The following EYA1 variants were observed in gnomAD, a reference collection of about 807,000 sequenced individuals.
EYA1 encodes the protein protein phosphatase EYA1.
A neutral mutation model predicts 82.0 loss-of-function variants in EYA1; 16 were observed. That is an observed-to-expected ratio of 0.20 (90% CI 0.13 to 0.30). The LOEUF is 0.30. EYA1 is among the 10% of genes least tolerant of loss of function. The probability of loss-of-function intolerance (pLI) is 1.00; values close to 1 mark genes in which losing one functional copy is unlikely to be tolerated. For synonymous variants in EYA1, 261 were observed against 264.4 expected (o/e 0.99, Z 0.12); for missense variants, 633 against 730.7 (o/e 0.87, Z 1.54).
intron 2 of EYA1, among the ~76,000 whole-genome samples, chr8:71,461,223 C>A (rs1325985588): frequency 1.3e-5 from 2 of 152,196 alleles, no homozygotes; most frequent in Non-Finnish European, 2.9e-5. Context: ...GCTGGGCTTG[C>A]TCTGCCAACT....
At chr8:71,367,351 ATAAT>A (rs2129085642) in intron 2 of EYA1, among the ~76,000 whole-genome samples, 1 of 152,136 alleles carries the variant, frequency 6.6e-6, no homozygotes, top group East Asian at 1.9e-4. Flanking sequence ...CACTGAGGAA[ATAAT>A]TATATTAAAA....
chr8:71,461,905 C>T (rs775268791), intron 2 of EYA1, among the ~76,000 whole-genome samples: 9 of 152,062 alleles, frequency 5.9e-5, no homozygotes, highest in South Asian at 2.1e-4. Flanking sequence ...GTGTTCAGGT[C>T]GCAGCAGCCA....
At chr8:71,431,492 C>A (rs905812182) in intron 2 of EYA1, among the ~76,000 whole-genome samples, 5 of 152,216 alleles carry the variant, frequency 3.3e-5, no homozygotes, top group Admixed American at 6.5e-5. Context: ...GTCCCTGATA[C>A]CCTCCCTCTT....
chr8:71,268,044 GGTTAA>G (rs1816077095), intron 11 of EYA1, among the ~76,000 whole-genome samples: 1 of 152,196 alleles, frequency 6.6e-6, no homozygotes, highest in Admixed American at 6.5e-5. Context: ...GGCATTTCTA[GGTTAA>G]GTGTAAGTTC....
upstream of EYA1, among the ~76,000 whole-genome samples, chr8:71,364,483 A>C (rs911782888): frequency 1.3e-5 from 2 of 152,032 alleles, no homozygotes; most frequent in Admixed American, 6.6e-5. Flanking sequence ...ACCAACTATA[A>C]CTATAGTATG....
At chr8:71,437,254 C>T (rs1019848798) in intron 2 of EYA1, among the ~76,000 whole-genome samples, 17 of 151,848 alleles carry the variant, frequency 1.1e-4, no homozygotes, top group South Asian at 8.3e-4. Flanking sequence ...TCAACAGTTT[C>T]GTTCTTGGCA....
intron 2 of EYA1, among the ~76,000 whole-genome samples, chr8:71,504,960 C>G (rs139554862): frequency 1.6e-3 from 241 of 152,260 alleles, no homozygotes; most frequent in African/African-American, 5.6e-3. Context: ...CGCCACCACA[C>G]TTGGCTAATC....
chr8:71,320,364 C>T (rs1400097027), intron 6 of EYA1, among the ~76,000 whole-genome samples: 2 of 152,206 alleles, frequency 1.3e-5, no homozygotes, highest in African/African-American at 4.8e-5. Flanking sequence ...CTTCAAATAA[C>T]CATCTCACAA....
At chr8:71,259,414 C>T (rs963739689) in intron 11 of EYA1, among the ~76,000 whole-genome samples, 1 of 152,158 alleles carries the variant, frequency 6.6e-6, no homozygotes, top group African/African-American at 2.4e-5. Flanking sequence ...CTCTACTGGC[C>T]CCATACCATT....
intron 17 of EYA1, among the ~76,000 whole-genome samples, chr8:71,206,656 A>T (rs1807813997): frequency 6.6e-6 from 1 of 152,100 alleles, no homozygotes; most frequent in African/African-American, 2.4e-5. Context: ...AGTGTAAAAT[A>T]GGTCTAAGGA....
At chr8:71,225,346 C>G (rs1393733983) in intron 12 of EYA1, 2 of 455,886 alleles carry the variant, frequency 4.4e-6, no homozygotes, top group African/African-American at 4.0e-5. Context: ...CCTCTCCACA[C>G]TGGCAATCGC....
chr8:71,311,715 TG>T (rs1275255284), intron 7 of EYA1, among the ~76,000 whole-genome samples: 3 of 152,244 alleles, frequency 2.0e-5, no homozygotes, highest in Non-Finnish European at 2.9e-5. Context: ...CTTTCTCAGC[TG>T]AACTTAAGTT....
rs371406230 is a variant in EYA1 at position 71,476,688 on chromosome 8, TCAA to T, written c.33+59053_33+59055del. 3.4e-3 allele frequency among the ~76,000 whole-genome samples: 523 copies of T among 152,182 alleles called. 3 individuals are homozygous for T. The highest frequency in any genetic ancestry group is 0.012 in the African/African-American group (495 of 41,566). ...ATTCAATGCAATTCCTATCAAAATT[TCAA>T]CAACATTTTTTTCTATAGAAATAGA... On this transcript the variant is annotated intron_variant, in intron 2 of 18. Transcript: ENST00000643681.
intron 2 of EYA1, among the ~76,000 whole-genome samples, chr8:71,458,380 T>C (rs767280591): frequency 1.3e-5 from 2 of 152,204 alleles, no homozygotes; most frequent in South Asian, 4.1e-4. Context: ...CCTCTGTGTG[T>C]ATGTAGATTT....
chr8:71,433,344 T>C (rs533263444), intron 2 of EYA1, among the ~76,000 whole-genome samples: 13 of 152,298 alleles, frequency 8.5e-5, no homozygotes, highest in South Asian at 4.1e-4. Context: ...TATTTCAGTA[T>C]CCGGAATTTA....
upstream of EYA1, among the ~76,000 whole-genome samples, chr8:71,364,684 A>G (rs1827635748): frequency 6.6e-6 from 1 of 151,946 alleles, no homozygotes; most frequent in Non-Finnish European, 1.5e-5. Context: ...ATTTTCCAAT[A>G]TGCTTTTTCC....
chr8:71,507,033 C>T (rs988688192), intron 2 of EYA1, among the ~76,000 whole-genome samples: 4 of 152,110 alleles, frequency 2.6e-5, no homozygotes, highest in African/African-American at 4.8e-5. Context: ...GAATAACTGA[C>T]TTTAAAACAT....
chr8:71,315,374 G>A (rs773597686), intron 7 of EYA1, among the ~76,000 whole-genome samples: 10 of 152,158 alleles, frequency 6.6e-5, no homozygotes, highest in Non-Finnish European at 8.8e-5. Context: ...GTGGATGGGC[G>A]CAGGCCCAGA....
At chr8:71,379,093 A>G (rs527872125) in intron 2 of EYA1, among the ~76,000 whole-genome samples, 1 of 152,264 alleles carries the variant, frequency 6.6e-6, no homozygotes, top group South Asian at 2.1e-4. Flanking sequence ...CAGTGGGTAC[A>G]TGAAAGTGCA....
Sources: gnomAD v4.1 joint callset for allele counts (sites outside exome capture counted in the v4.1 genomes callset) on GRCh38, gnomAD v4.1.1 for gene constraint, MANE v1.5 for transcripts, NCBI Gene and HGNC (gene_info 2026-07-23, HGNC 2026-07-21) for gene names.